GCDH: variants seen among roughly 807,000 people sequenced by gnomAD.
GCDH encodes the protein glutaryl-CoA dehydrogenase, also known as glutaryl-CoA dehydrogenase, mitochondrial.
A neutral mutation model predicts 52.8 loss-of-function variants in GCDH; 31 were observed. The observed-to-expected ratio is 0.59, with a 90% CI of 0.44 to 0.79. GCDH has a LOEUF of 0.79. Ranked by LOEUF, GCDH falls within the 30% of genes least tolerant of loss-of-function variation. GCDH has a pLI of 0.00. For synonymous variants in GCDH, 242 were observed against 250.0 expected, an observed-to-expected ratio of 0.97 and a Z score of 0.30; for missense variants, 509 against 595.0, an observed-to-expected ratio of 0.86 and a Z score of 1.50.
intron 5 of GCDH, among the ~76,000 whole-genome samples, chr19:12,892,590 C>A (rs949391422): frequency 5.3e-5 from 8 of 151,386 alleles, no homozygotes. Flanking sequence ...CCACGTTCAG[C>A]CTTCTTTTTG....
chr19:12,893,587 C>T lies in GCDH; in HGVS notation c.439C>T (p.Leu147Phe). 6.2e-7 allele frequency: 1 copy of T among 1,614,080 alleles called. No individual in the cohort carries two copies. The highest frequency in any genetic ancestry group is 8.5e-7 in the Non-Finnish European group (1 of 1,179,964). Residue 147 changes from leucine (L) to phenylalanine (F), a missense_variant, in exon 6 of 12, where the codon CTC becomes TTC. Leu to Phe is a conservative substitution (Grantham distance 22, BLOSUM62 0). Transcript: ENST00000222214. ...YRSAMSVQSSLVMHPIYAYGS... is the reference protein window; with the variant it reads ...YRSAMSVQSSFVMHPIYAYGS... ...GTCGGCGATGAGTGTCCAGTCCTCC[C>T]TCGTCATGCACCCTATCTATGCCTA...
At position 12,899,945 on chromosome 19, in the gene GCDH, G is replaced by A; in HGVS notation, c.*404G>A. Reference sequence around the variant, plus strand: ...GGGTGTTGGAGCAGAGTGAGGGAGAGGAAAATAAAGACCTGCACATCTGAC... The same window carrying A: ...GGGTGTTGGAGCAGAGTGAGGGAGAAGAAAATAAAGACCTGCACATCTGAC... On this transcript the variant is annotated 3_prime_UTR_variant, in exon 12 of 12. Transcript: ENST00000222214. The A allele has an allele frequency of 6.2e-7, 1 of 1,611,332 alleles. No homozygotes were observed. The highest frequency in any genetic ancestry group is 8.5e-7 in the Non-Finnish European group (1 of 1,179,368).
At position 12,891,920 on chromosome 19, in the gene GCDH, A is replaced by G. The variant is rs548116447; in HGVS notation, c.217A>G (p.Thr73Ala). ...GATCCTCATCAGGGACACCTTCCGCACCTACTGCCAGGAGAGACTCATGCC... is the reference window on the plus strand; with the variant it reads ...GATCCTCATCAGGGACACCTTCCGCGCCTACTGCCAGGAGAGACTCATGCC... ...DEILIRDTFR[T>A]YCQERLMPRI... is the part of the protein sequence containing the mutation. The change falls in exon 4 of 12, where the codon ACC becomes GCC. Residue 73 changes from threonine to alanine, a missense_variant. Transcript: ENST00000222214. 1 of 1,614,134 alleles carries G rather than the reference A, an allele frequency of 6.2e-7. No homozygotes were observed. The highest frequency in any genetic ancestry group is 1.7e-5 in the Admixed American group (1 of 60,012).
intron 5 of GCDH, 155 bp downstream of exon 5, chr19:12,892,333 C>A: frequency 2.6e-6 from 2 of 758,564 alleles, no homozygotes; most frequent in Non-Finnish European, 2.2e-6. Flanking sequence ...GCTCTGTTGC[C>A]CAGGCTGGAG....
chr19:12,896,351 C>T lies in GCDH; in HGVS notation c.782C>T (p.Thr261Ile), dbSNP rs777494547. 1.4e-5 allele frequency: 23 copies of T among 1,614,044 alleles called. No individual in the cohort carries two copies. The South Asian group carries it at 2.2e-4, about 15-fold the overall frequency. ...AAGTTCTCGCTGCGGGCCTCAGCCA[C>T]AGGCATGATCATCATGGACGGTGTG... Reference protein sequence around the residue: ...QGKFSLRASATGMIIMDGVEV... With the variant: ...QGKFSLRASAIGMIIMDGVEV... The change falls in exon 8 of 12, where the codon ACA becomes ATA. Residue 261 changes from threonine to isoleucine, a missense_variant. Thr to Ile is a moderately conservative substitution (Grantham distance 89). Coordinates refer to ENST00000222214, the MANE Select transcript of GCDH (RefSeq NM_000159.4). This position sits in a 1 kb window ranked among gnomAD's most constrained non-coding sequence, Gnocchi z 5.5.
intron 11 of GCDH, 158 bp from the exon 12 acceptor site, chr19:12,899,310 T>A (rs1970775558): frequency 6.3e-7 from 1 of 1,596,916 alleles, no homozygotes; most frequent in Non-Finnish European, 8.6e-7. Flanking sequence ...TCCTGGAGAC[T>A]GTCACTAAGG....
chr19:12,899,864 C>G lies in GCDH; in HGVS notation c.*323C>G. 2 of 1,588,734 alleles carry G rather than the reference C, an allele frequency of 1.3e-6. No homozygotes were observed. Among genetic ancestry groups the G allele is most frequent in the Non-Finnish European group, 1.7e-6 (2 of 1,159,844 alleles). On this transcript the variant is annotated 3_prime_UTR_variant, in exon 12 of 12. Coordinates refer to ENST00000222214, the MANE Select transcript of GCDH (RefSeq NM_000159.4). ...CCGTCTGCTGCAGCTGACCCCCTCA[C>G]ACTGAGTTCACAGTGCGCCCTCCCT...
intron 10 of GCDH, 48 bp from the exon 11 acceptor site, chr19:12,897,655 G>A (rs200796391): frequency 8.1e-6 from 13 of 1,609,284 alleles, no homozygotes; most frequent in East Asian, 6.7e-5. Context: ...TTGGAGCATC[G>A]GGATGCCAGG....
At chr19:12,898,168 T>A in intron 11 of GCDH, 2 of 432,458 alleles carry the variant, frequency 4.6e-6, no homozygotes, top group Non-Finnish European at 8.7e-6. Context: ...AGCCCAGGGG[T>A]GAGGCCCGAC....
chr19:12,897,314 G>A lies in GCDH; in HGVS notation c.968G>A (p.Gly323Asp). ...RQYALDRMQF[G>D]VPLARNQLIQ... ...CATTGCCCATGTAGGATGCAGTTTGGTGTCCCACTGGCCAGGAACCAGCTG... is the reference window on the plus strand; with the variant it reads ...CATTGCCCATGTAGGATGCAGTTTGATGTCCCACTGGCCAGGAACCAGCTG... Residue 323 changes from glycine to aspartate, a missense_variant, in exon 10 of 12, where the codon GGT (glycine) becomes GAT (aspartate). Gly to Asp is a moderately conservative substitution (Grantham distance 94, BLOSUM62 -1). Coordinates refer to ENST00000222214, the MANE Select transcript of GCDH (RefSeq NM_000159.4). 1 of 1,613,842 alleles carries A rather than the reference G, an allele frequency of 6.2e-7. No homozygotes were observed. The highest frequency in any genetic ancestry group is 2.2e-5 in the East Asian group (1 of 44,878).
In GCDH at chr19:12,896,300, G is replaced by T; in HGVS notation, c.731G>T (p.Gly244Val). 6.2e-7 allele frequency: 1 copy of T among 1,614,128 alleles called. No homozygotes were observed. The highest frequency in any genetic ancestry group is 8.5e-7 in the Non-Finnish European group (1 of 1,179,994). Residue 244 changes from glycine (G) to valine (V), a missense_variant, in exon 8 of 12, where the codon GGT becomes GTT. By Grantham distance (109) the Gly-to-Val change is moderately radical (BLOSUM62 -3). Coordinates refer to ENST00000222214, the MANE Select transcript of GCDH (RefSeq NM_000159.4). The surrounding 1 kb of genome is among the most constrained non-coding windows in gnomAD (Gnocchi z 5.5). Reference protein sequence around the residue: ...RGFLLEKGMRGLSAPRIQGKF... With the variant: ...RGFLLEKGMRVLSAPRIQGKF... ...TTCCTGCTGGAGAAGGGGATGCGGG[G>T]TCTCTCGGCCCCCAGGATCCAGGGC...
chr19:12,891,196 C>CT lies in GCDH; in HGVS notation c.-40dup, dbSNP rs1970544798. On this transcript the variant is annotated 5_prime_UTR_variant, in exon 1 of 12. Transcript: ENST00000222214. ...AGCCTCGGCAGTGAACCGGGAGGTA[C>CT]TACCAGGTAAGGAAGGTGCGGTAGC... 1.2e-6 allele frequency: 1 copy of CT among 817,640 alleles called. No homozygotes were observed. 50.6% of individuals were successfully genotyped at this position (817,640 alleles called of 1,614,324 possible).
chr19:12,891,492 G>C lies in GCDH; in HGVS notation c.97G>C (p.Gly33Arg). The change falls in exon 3 of 12, where the codon GGC (glycine) becomes CGC (arginine). Residue 33 changes from glycine (G) to arginine (R), a missense_variant. Physicochemically the swap from Gly to Arg is moderately radical, Grantham distance 125. Transcript: ENST00000222214. ...WVSSAAQTEKGGRTQSQLAKS... is the reference protein window; with the variant it reads ...WVSSAAQTEKRGRTQSQLAKS... ...TTCCCGTTCTGTGCTTGCAGAGAAA[G>C]GCGGGAGAACACAGAGCCAACTGGC... The C allele has an allele frequency of 6.2e-7, 1 of 1,614,236 alleles. No homozygotes were observed. Among genetic ancestry groups the C allele is most frequent in the Non-Finnish European group, 8.5e-7 (1 of 1,180,036 alleles).
At position 12,897,867 on chromosome 19, in the gene GCDH, G is replaced by A; in HGVS notation, c.1243+4G>A. ...GAGGCCGTGAACACCTACGAAGGTAGGAGCTGGACCTCAGAGGGCTCACTG... is the reference window on the plus strand; with the variant it reads ...GAGGCCGTGAACACCTACGAAGGTAAGAGCTGGACCTCAGAGGGCTCACTG... On this transcript the variant is annotated splice_donor_region_variant and intron_variant, in intron 11 of 11. Coordinates refer to ENST00000222214, the MANE Select transcript of GCDH (RefSeq NM_000159.4). 1 of 1,613,442 alleles carries A rather than the reference G, an allele frequency of 6.2e-7. No homozygotes were observed.
chr19:12,891,464 A>G, intron 2 of GCDH, 23 bp from the exon 3 acceptor site: 1 of 1,614,180 alleles, frequency 6.2e-7, no homozygotes, highest in South Asian at 1.1e-5. Flanking sequence ...TTCCGGGGTG[A>G]CTTTCCCGTT....
chr19:12,899,939 G>A lies in GCDH; in HGVS notation c.*398G>A. ...TATGCTGGGTGTTGGAGCAGAGTGAGGGAGAGGAAAATAAAGACCTGCACA... is the reference window on the plus strand; with the variant it reads ...TATGCTGGGTGTTGGAGCAGAGTGAAGGAGAGGAAAATAAAGACCTGCACA... On this transcript the variant is annotated 3_prime_UTR_variant, in exon 12 of 12. Coordinates refer to ENST00000222214, the MANE Select transcript of GCDH (RefSeq NM_000159.4). 1 of 1,611,462 alleles carries A rather than the reference G, an allele frequency of 6.2e-7. No homozygotes were observed. The highest frequency in any genetic ancestry group is 8.5e-7 in the Non-Finnish European group (1 of 1,179,304).
chr19:12,891,506 G>A lies in GCDH; in HGVS notation c.111G>A (p.Gln37=). 1.2e-6 allele frequency: 2 copies of A among 1,614,252 alleles called. No individual in the cohort carries two copies. Among genetic ancestry groups the A allele is most frequent in the African/African-American group, 1.3e-5 (1 of 75,054 alleles). ...AAQTEKGGRT[Q]SQLAKSSRPE... is the part of the protein sequence containing the mutation. ...TTGCAGAGAAAGGCGGGAGAACACA[G>A]AGCCAACTGGCTAAGTGTAAGGACC... is the stretch of plus-strand genomic sequence containing the variant. The change falls in exon 3 of 12, where the codon CAG becomes CAA. Residue 37 remains glutamine, a synonymous_variant. Coordinates refer to ENST00000222214, the MANE Select transcript of GCDH (RefSeq NM_000159.4).
At chr19:12,891,706 G>T in intron 3 of GCDH, 125 bp from the exon 4 acceptor site, 1 of 1,605,212 alleles carries the variant, frequency 6.2e-7, no homozygotes, top group Non-Finnish European at 8.5e-7. Flanking sequence ...CACCTGATCA[G>T]TCTCGCTTGC....
intron 6 of GCDH, 117 bp from the exon 7 acceptor site, chr19:12,895,875 C>G: frequency 7.7e-7 from 1 of 1,305,268 alleles, no homozygotes; most frequent in Middle Eastern, 1.8e-4. Context: ...CTGCCTTGGC[C>G]TCCTAAAGTG....
Sources: gnomAD v4.1 joint callset for allele counts (sites outside exome capture counted in the v4.1 genomes callset) on GRCh38, gnomAD v4.1.1 for gene constraint, Gnocchi (gnomAD v3.1) non-coding constraint, MANE v1.5 for transcripts, NCBI Gene and HGNC (gene_info 2026-07-23, HGNC 2026-07-21) for gene names.